STXBP5L: variants seen among roughly 807,000 people sequenced by gnomAD.
STXBP5L encodes syntaxin binding protein 5L.
In STXBP5L, 65 loss-of-function variants were observed where a neutral mutation model predicts 144.5. The ratio of observed to expected loss-of-function variants is 0.45; its 90% CI spans 0.37 to 0.55. STXBP5L has a LOEUF of 0.55. STXBP5L is among the 20% of genes least tolerant of loss of function. The pLI is 0.00. For synonymous variants in STXBP5L, 505 were observed against 469.6 expected (o/e 1.08, Z -0.97); for missense variants, 1,298 against 1,405.5 (o/e 0.92, Z 1.22).
At chr3:121,075,159 G>T (rs1050350347) in intron 5 of STXBP5L, among the ~76,000 whole-genome samples, 1 of 152,100 alleles carries the variant, frequency 6.6e-6, no homozygotes, top group Non-Finnish European at 1.5e-5. Context: ...CCCTTGACTG[G>T]TGGCAGGGGG....
chr3:121,038,061 G>T (rs995980738), intron 3 of STXBP5L, among the ~76,000 whole-genome samples: 1 of 151,768 alleles, frequency 6.6e-6, no homozygotes, highest in Non-Finnish European at 1.5e-5. Flanking sequence ...CTGGCGGAAG[G>T]TTTATTAATT....
intron 5 of STXBP5L, among the ~76,000 whole-genome samples, chr3:121,073,052 C>T (rs1022863545): frequency 6.6e-6 from 1 of 152,240 alleles, no homozygotes; most frequent in Admixed American, 6.5e-5. Context: ...AGTGTTACCA[C>T]TGCACATCCA....
chr3:121,074,581 A>T lies in STXBP5L; in HGVS notation c.470+29046A>T, dbSNP rs1031168311. Among the ~76,000 whole-genome samples the T allele has an allele frequency of 2.0e-5, 3 of 152,074 alleles. No individual in the cohort carries two copies. In the South Asian group the frequency reaches 6.2e-4, roughly 32 times the overall value. On this transcript the variant is annotated intron_variant, in intron 5 of 26. Coordinates refer to ENST00000471454, the MANE Select transcript of STXBP5L (RefSeq NM_001308330.2). The stretch of plus-strand genomic sequence containing the variant: ...GCCTGATTTATGGCTAGCCTGGGGG[A>T]CTGTCTTCCACCCAGACCCCTGGCA...
chr3:121,215,495 G>A (rs2048742877), intron 10 of STXBP5L, among the ~76,000 whole-genome samples: 1 of 152,124 alleles, frequency 6.6e-6, no homozygotes, highest in South Asian at 2.1e-4. Flanking sequence ...ATTCTGGTTT[G>A]AAAATTCTTT....
intron 12 of STXBP5L, among the ~76,000 whole-genome samples, chr3:121,234,325 C>A (rs1284821399): frequency 6.6e-6 from 1 of 152,124 alleles, no homozygotes; most frequent in Non-Finnish European, 1.5e-5. Flanking sequence ...TAAGTTGTCT[C>A]TCCTTGGCCT....
intron 23 of STXBP5L, among the ~76,000 whole-genome samples, chr3:121,411,955 A>G (rs1381971408): frequency 2.0e-5 from 3 of 152,176 alleles, no homozygotes; most frequent in Non-Finnish European, 4.4e-5. Context: ...GTGCTACAAA[A>G]AGTGCCCCTG....
chr3:121,128,126 G>C (rs762897925), intron 7 of STXBP5L, among the ~76,000 whole-genome samples: 3 of 152,126 alleles, frequency 2.0e-5, no homozygotes, highest in Non-Finnish European at 4.4e-5. Context: ...AATGAAATGT[G>C]TTTAGAGTGG....
chr3:120,960,986 G>T (rs1191866575), intron 3 of STXBP5L, among the ~76,000 whole-genome samples: 15 of 151,490 alleles, frequency 9.9e-5, no homozygotes, highest in Admixed American at 7.9e-4. Context: ...TTAAATTACT[G>T]TTTAAATCTT....
chr3:121,002,357 G>C (rs1943854270), intron 3 of STXBP5L, among the ~76,000 whole-genome samples: 1 of 151,950 alleles, frequency 6.6e-6, no homozygotes, highest in Non-Finnish European at 1.5e-5. Flanking sequence ...TGTCTTCTTT[G>C]GAAAATATCT....
intron 10 of STXBP5L, among the ~76,000 whole-genome samples, chr3:121,213,314 T>C (rs974206051): frequency 4.6e-5 from 7 of 152,202 alleles, no homozygotes; most frequent in African/African-American, 1.7e-4. Context: ...TGCTTCCAGC[T>C]TTTGCCCATT....
At chr3:121,365,778 G>T (rs182624634) in intron 20 of STXBP5L, among the ~76,000 whole-genome samples, 112 of 150,830 alleles carry the variant, frequency 7.4e-4, no homozygotes, top group Non-Finnish European at 9.6e-4. Flanking sequence ...TTTAATCTCT[G>T]CTCTAATGTT....
intron 9 of STXBP5L, among the ~76,000 whole-genome samples, chr3:121,174,857 C>G (rs1316408926): frequency 6.6e-6 from 1 of 151,772 alleles, no homozygotes; most frequent in Non-Finnish European, 1.5e-5. Context: ...ATTTTATTGA[C>G]AAAAGCCTGT....
chr3:121,012,328 C>T (rs1304797681), intron 3 of STXBP5L, among the ~76,000 whole-genome samples: 1 of 151,786 alleles, frequency 6.6e-6, no homozygotes, highest in Non-Finnish European at 1.5e-5. Flanking sequence ...GGCATGTATT[C>T]AGGAAGGGAA....
intron 19 of STXBP5L, among the ~76,000 whole-genome samples, chr3:121,290,416 T>A (rs2051390076): frequency 6.6e-6 from 1 of 151,816 alleles, no homozygotes; most frequent in African/African-American, 2.4e-5. Flanking sequence ...ATTTAAAAAA[T>A]TGCCAACAAC....
At chr3:120,979,414 G>A (rs1044646854) in intron 3 of STXBP5L, among the ~76,000 whole-genome samples, 1 of 152,190 alleles carries the variant, frequency 6.6e-6, no homozygotes, top group Non-Finnish European at 1.5e-5. Context: ...CGCAGTATTA[G>A]GGTGGGCGTG....
intron 20 of STXBP5L, among the ~76,000 whole-genome samples, chr3:121,359,371 G>T (rs1038612947): frequency 6.6e-6 from 1 of 151,894 alleles, no homozygotes; most frequent in African/African-American, 2.4e-5. Context: ...TTATCAGAGG[G>T]GTAGTTTGAA....
intron 3 of STXBP5L, among the ~76,000 whole-genome samples, chr3:120,962,550 G>A (rs9882707): frequency 6.6e-6 from 1 of 151,556 alleles, no homozygotes; most frequent in East Asian, 1.9e-4. Flanking sequence ...TCCCCATTTC[G>A]TGTTTTTGTC....
chr3:121,000,824 T>A (rs781702454), intron 3 of STXBP5L, among the ~76,000 whole-genome samples: 1 of 152,180 alleles, frequency 6.6e-6, no homozygotes, highest in Non-Finnish European at 1.5e-5. Context: ...AATGTTCGAC[T>A]GTGGTATAAG....
Position 121,046,043 on chromosome 3 carries a change from A to G in STXBP5L, c.470+508A>G, listed in dbSNP as rs147572400. Among the ~76,000 whole-genome samples, 3 of 152,140 alleles carry G rather than the reference A, an allele frequency of 2.0e-5. 1 individual carries two copies. In the East Asian group the frequency reaches 5.8e-4, roughly 29 times the overall value. ...TCTTATTTTGAAATATGTTCCTTTA[A>G]TGTCTAGTTTGTTGAGGGGTTTTAA... On this transcript the variant is annotated intron_variant, in intron 5 of 26. Coordinates refer to ENST00000471454, the MANE Select transcript of STXBP5L (RefSeq NM_001308330.2).
Sources: gnomAD v4.1 joint callset for allele counts (sites outside exome capture counted in the v4.1 genomes callset) on GRCh38, gnomAD v4.1.1 for gene constraint, MANE v1.5 for transcripts, NCBI Gene and HGNC (gene_info 2026-07-23, HGNC 2026-07-21) for gene names.